ST18: variants seen among roughly 807,000 people sequenced by gnomAD.
ST18 encodes suppression of tumorigenicity 18 protein.
A neutral mutation model predicts 110.0 loss-of-function variants in ST18; 50 were observed. The ratio of observed to expected loss-of-function variants is 0.45; its 90% CI spans 0.36 to 0.58. ST18 has a LOEUF of 0.58. ST18 is among the 20% of genes least tolerant of loss of function. ST18 has a pLI of 0.00. For missense variants in ST18, 1,306 were observed against 1,280.1 expected (o/e 1.02, Z -0.31); for synonymous variants, 461 against 452.4 (o/e 1.02, Z -0.24).
At chr8:52,336,239 T>C (rs10110327) in intron 2 of ST18, among the ~76,000 whole-genome samples, 147,893 of 152,184 alleles carry the variant, frequency 0.97, 72,010 homozygotes, top group East Asian at 1. Flanking sequence ...ACCTCTGCCT[T>C]CCGGGTTCAA....
intron 2 of ST18, among the ~76,000 whole-genome samples, chr8:52,381,980 A>C (rs908677745): frequency 2.6e-4 from 40 of 151,640 alleles, no homozygotes; most frequent in Non-Finnish European, 5.1e-4. Flanking sequence ...AAAACAAAAA[A>C]AAACAAAAAA....
chr8:52,119,836 T>C (rs1023291104), intron 23 of ST18, among the ~76,000 whole-genome samples: 1 of 152,160 alleles, frequency 6.6e-6, no homozygotes, highest in Non-Finnish European at 1.5e-5. Context: ...TAAAAGTAAC[T>C]ACTGAATAAA....
chr8:52,142,918 G>A lies in ST18; in HGVS notation c.2168+12C>T. ...CAGAATCTTAGAGGGCATGGCATTG[G>A]GCACCACTTACGTGATTAGTTCCTT... On this transcript the variant is annotated intron_variant, in intron 17 of 25. Transcript: ENST00000689386. 1 of 1,575,692 alleles carries A rather than the reference G, an allele frequency of 6.3e-7. No individual in the cohort carries two copies. The highest frequency in any genetic ancestry group is 8.7e-7 in the Non-Finnish European group (1 of 1,145,460).
intron 2 of ST18, among the ~76,000 whole-genome samples, chr8:52,238,739 C>G (rs78740612): frequency 0.011 from 1,662 of 151,666 alleles, 32 homozygotes; most frequent in African/African-American, 0.038. Context: ...ATGCCATTAT[C>G]TTAAGGGAAA....
Position 52,172,241 on chromosome 8 carries a change from G to A in ST18, c.620C>T (p.Ser207Phe), listed in dbSNP as rs1292958595. ...ESAENGWDSG[S>F]NFSEETKPPR... ...TGGTTTGGTTTCTTCTGAGAAGTTG[G>A]AGCCACTGTCCCAGCCATTTTCTGC... Residue 207 changes from serine to phenylalanine, a missense_variant, in exon 10 of 26, where the codon TCC becomes TTC. Coordinates refer to ENST00000689386, the MANE Select transcript of ST18 (RefSeq NM_001352837.2). The A allele has an allele frequency of 1.9e-6, 3 of 1,614,006 alleles. No homozygotes were observed. The highest frequency in any genetic ancestry group is 2.5e-6 in the Non-Finnish European group (3 of 1,180,038).
intron 2 of ST18, among the ~76,000 whole-genome samples, chr8:52,320,137 T>C (rs1564487900): frequency 6.6e-6 from 1 of 152,194 alleles, no homozygotes; most frequent in African/African-American, 2.4e-5. Context: ...ACATTTTCCT[T>C]AAAGATACAG....
At chr8:52,228,096 T>C (rs1201008375) in intron 3 of ST18, among the ~76,000 whole-genome samples, 1 of 152,212 alleles carries the variant, frequency 6.6e-6, no homozygotes, top group African/African-American at 2.4e-5. Context: ...GCTATGCCAG[T>C]TAAGGAGAAT....
chr8:52,343,328 T>C (rs1816064899), intron 2 of ST18, among the ~76,000 whole-genome samples: 1 of 152,174 alleles, frequency 6.6e-6, no homozygotes, highest in Admixed American at 6.5e-5. Context: ...TGCTCCCAGA[T>C]GCGCAGTTCA....
intron 2 of ST18, among the ~76,000 whole-genome samples, chr8:52,389,551 C>T (rs1029959130): frequency 2.6e-5 from 4 of 152,194 alleles, no homozygotes; most frequent in African/African-American, 7.2e-5. Flanking sequence ...ACACCGACTC[C>T]TTCCACCCTA....
intron 2 of ST18, among the ~76,000 whole-genome samples, chr8:52,254,723 G>A (rs1252137901): frequency 3.3e-5 from 5 of 152,162 alleles, no homozygotes; most frequent in Non-Finnish European, 7.3e-5. Flanking sequence ...TATTAATTTT[G>A]CAGGCTCGAG....
At chr8:52,218,659 C>T (rs1312405322) in intron 5 of ST18, among the ~76,000 whole-genome samples, 1 of 151,102 alleles carries the variant, frequency 6.6e-6, no homozygotes, top group Non-Finnish European at 1.5e-5. Context: ...CTTGGCCTCC[C>T]AAAGTGCTGG....
At chr8:52,208,912 T>C (rs924558295) in intron 8 of ST18, among the ~76,000 whole-genome samples, 2 of 152,194 alleles carry the variant, frequency 1.3e-5, no homozygotes, top group Non-Finnish European at 2.9e-5. Context: ...GAAATGATTA[T>C]AAAATTTCAA....
chr8:52,335,812 C>T (rs1811761941), intron 2 of ST18, among the ~76,000 whole-genome samples: 1 of 152,164 alleles, frequency 6.6e-6, no homozygotes, highest in South Asian at 2.1e-4. Context: ...CTGTTCCCTC[C>T]TTTAATTCAT....
intron 2 of ST18, among the ~76,000 whole-genome samples, chr8:52,291,932 C>T (rs2095562319): frequency 6.6e-6 from 1 of 152,108 alleles, no homozygotes; most frequent in Non-Finnish European, 1.5e-5. Context: ...CGTGCCATCA[C>T]ACCCGGCTAA....
intron 22 of ST18, among the ~76,000 whole-genome samples, chr8:52,127,010 A>G (rs530497320): frequency 6.6e-6 from 1 of 152,358 alleles, no homozygotes; most frequent in South Asian, 2.1e-4. Flanking sequence ...TCGTAGAAAC[A>G]ATTTTTAGAT....
intron 2 of ST18, among the ~76,000 whole-genome samples, chr8:52,344,483 C>A (rs933058194): frequency 1.3e-5 from 2 of 151,976 alleles, no homozygotes; most frequent in Non-Finnish European, 2.9e-5. Flanking sequence ...TCACTGCAAC[C>A]TCCACCTCCC....
Position 52,142,986 on chromosome 8 carries a change from A to G in ST18, c.2112T>C (p.Ser704=). ...GAAGCTTGGGTTTAGGGCTTGGTATAGAGGCCTCTCCAGGAAACTTTTTTT... is the reference window on the plus strand; with the variant it reads ...GAAGCTTGGGTTTAGGGCTTGGTATGGAGGCCTCTCCAGGAAACTTTTTTT... ...LEEKKFPGEA[S]IPSPKPKLHA... The change falls in exon 17 of 26, where the codon TCT becomes TCC. Residue 704 remains serine, a synonymous_variant. Coordinates refer to ENST00000689386, the MANE Select transcript of ST18 (RefSeq NM_001352837.2). 6.2e-7 allele frequency: 1 copy of G among 1,614,136 alleles called. No individual in the cohort carries two copies. The highest frequency in any genetic ancestry group is 8.5e-7 in the Non-Finnish European group (1 of 1,180,002).
At chr8:52,368,933 C>T (rs1248667446) in intron 2 of ST18, among the ~76,000 whole-genome samples, 1 of 152,110 alleles carries the variant, frequency 6.6e-6, no homozygotes, top group Non-Finnish European at 1.5e-5. Flanking sequence ...CACTCTTCTC[C>T]TCCTCTTACA....
At chr8:52,385,742 C>T (rs1482342016) in intron 2 of ST18, among the ~76,000 whole-genome samples, 3 of 151,734 alleles carry the variant, frequency 2.0e-5, no homozygotes, top group Admixed American at 6.6e-5. Flanking sequence ...AAAGACTTTT[C>T]CAGTTCATGC....
Sources: allele counts gnomAD v4.1 joint callset (sites outside exome capture counted in the v4.1 genomes callset), GRCh38; gene constraint gnomAD v4.1.1; transcripts MANE v1.5; gene names NCBI Gene and HGNC (gene_info 2026-07-23, HGNC 2026-07-21).